The following NRXN1 variants were observed in gnomAD, a reference collection of about 807,000 sequenced individuals.
NRXN1 encodes neurexin 1.
A neutral mutation model predicts 150.9 loss-of-function variants in NRXN1; 39 were observed. The observed-to-expected ratio is 0.26, with a 90% CI of 0.20 to 0.34. NRXN1 has a LOEUF of 0.34. Among genes scored for constraint, NRXN1 ranks in the 10% least tolerant of loss-of-function variants. The pLI, the probability that NRXN1 is intolerant of heterozygous loss-of-function variation, is 1.00. For missense variants in NRXN1, 1,815 were observed against 1,949.9 expected (o/e 0.93, Z 1.30); for synonymous variants, 924 against 757.0 (o/e 1.22, Z -3.62).
At chr2:50,883,044 T>C (rs1311173646) in intron 5 of NRXN1, among the ~76,000 whole-genome samples, 1 of 151,894 alleles carries the variant, frequency 6.6e-6, no homozygotes, top group Non-Finnish European at 1.5e-5. Flanking sequence ...ATTTTTTAAA[T>C]TGTAATATAA....
chr2:50,802,446 C>T (rs981956623), intron 5 of NRXN1, among the ~76,000 whole-genome samples: 2 of 149,026 alleles, frequency 1.3e-5, no homozygotes, highest in Non-Finnish European at 1.5e-5. Flanking sequence ...GAGCTGAGAT[C>T]GCACCATTGT....
At chr2:50,107,719 G>T (rs2152720654) in intron 18 of NRXN1, among the ~76,000 whole-genome samples, 1 of 151,664 alleles carries the variant, frequency 6.6e-6, no homozygotes, top group East Asian at 1.9e-4. Flanking sequence ...TAACGTAAAA[G>T]TATCTTGGCC....
intron 17 of NRXN1, among the ~76,000 whole-genome samples, chr2:50,460,350 G>A (rs949500982): frequency 6.6e-6 from 1 of 152,162 alleles, no homozygotes; most frequent in Admixed American, 6.6e-5. Context: ...AGGGGCCAAG[G>A]TGGCAGAATT....
intron 17 of NRXN1, among the ~76,000 whole-genome samples, chr2:50,246,295 G>A (rs543488217): frequency 7.9e-5 from 12 of 151,944 alleles, no homozygotes; most frequent in Non-Finnish European, 1.6e-4. Flanking sequence ...TACCAGAAAG[G>A]CTTTATGACT....
At chr2:50,340,109 T>G (rs1446570698) in intron 17 of NRXN1, among the ~76,000 whole-genome samples, 1 of 152,318 alleles carries the variant, frequency 6.6e-6, no homozygotes, top group East Asian at 1.9e-4. Flanking sequence ...TTAAATTTGT[T>G]TCCTTGTCAG....
chr2:50,994,662 A>G (rs1370608102), intron 2 of NRXN1, among the ~76,000 whole-genome samples: 1 of 152,082 alleles, frequency 6.6e-6, no homozygotes, highest in African/African-American at 2.4e-5. Context: ...TAATGCATCC[A>G]GAAAATGTTC....
At chr2:50,449,720 A>C (rs1394193979) in intron 17 of NRXN1, among the ~76,000 whole-genome samples, 3 of 152,130 alleles carry the variant, frequency 2.0e-5, no homozygotes, top group Non-Finnish European at 4.4e-5. Flanking sequence ...TACTTCATAA[A>C]TTGTCCCATA....
Position 50,530,315 on chromosome 2 carries a change from C to A in NRXN1, c.2347+912G>T, listed in dbSNP as rs772912961. Among the ~76,000 whole-genome samples the A allele has an allele frequency of 3.4e-4, 52 of 152,086 alleles. 1 individual carries two copies. The highest frequency in any genetic ancestry group is 7.2e-4 in the Non-Finnish European group (49 of 68,024). ...GGAAGAAAACTGATTTCCAATACTT[C>A]ATGTTGATGGCATAGTTTGCATGAA... On this transcript the variant is annotated intron_variant, in intron 11 of 22. Coordinates refer to ENST00000401669, the MANE Select transcript of NRXN1 (RefSeq NM_001330078.2).
chr2:50,234,538 C>T (rs1013666652), intron 18 of NRXN1, among the ~76,000 whole-genome samples: 1 of 152,042 alleles, frequency 6.6e-6, no homozygotes, highest in African/African-American at 2.4e-5. Context: ...AATGACTTAT[C>T]TCCACATCAA....
chr2:50,154,231 A>T (rs1002887262), intron 18 of NRXN1, among the ~76,000 whole-genome samples: 2 of 151,302 alleles, frequency 1.3e-5, no homozygotes, highest in Admixed American at 1.3e-4. Context: ...AGATCTGAAT[A>T]AAAAAAAGAC....
rs932780795 is a variant in NRXN1 at position 50,296,840 on chromosome 2, C to T, written c.3365-59870G>A. On this transcript the variant is annotated intron_variant, in intron 17 of 22. Coordinates refer to ENST00000401669, the MANE Select transcript of NRXN1 (RefSeq NM_001330078.2). ...GAGTTACTTAGAATATTGGCCTCCA[C>T]CTCCATCTATGTTGCTGTAAAAGAC... Among the ~76,000 whole-genome samples, 129 of 151,198 alleles carry T rather than the reference C, an allele frequency of 8.5e-4. 1 individual carries two copies. The highest frequency in any genetic ancestry group is 8.1e-4 in the Non-Finnish European group (55 of 67,872).
chr2:50,661,993 C>T (rs1316950349), intron 5 of NRXN1, among the ~76,000 whole-genome samples: 1 of 152,046 alleles, frequency 6.6e-6, no homozygotes. Context: ...TTAAGGCCTT[C>T]ACTCCCTACA....
At chr2:49,954,862 T>C (rs1558575459) in intron 21 of NRXN1, among the ~76,000 whole-genome samples, 1 of 152,176 alleles carries the variant, frequency 6.6e-6, no homozygotes. Flanking sequence ...TATGCTGCTT[T>C]TGGGTACAGT....
At chr2:50,832,114 C>T (rs67644549) in intron 5 of NRXN1, among the ~76,000 whole-genome samples, 11,750 of 152,082 alleles carry the variant, frequency 0.077, 534 homozygotes, top group Admixed American at 0.083. Context: ...TCGAGAAAAT[C>T]AATGCCAGCA....
chr2:50,368,747 G>A (rs1457133753), intron 17 of NRXN1, among the ~76,000 whole-genome samples: 1 of 151,902 alleles, frequency 6.6e-6, no homozygotes, highest in Non-Finnish European at 1.5e-5. Flanking sequence ...TGAAACTATA[G>A]GAAAGGCCAA....
intron 17 of NRXN1, among the ~76,000 whole-genome samples, chr2:50,361,376 T>C (rs2079174657): frequency 6.6e-6 from 1 of 151,702 alleles, no homozygotes; most frequent in South Asian, 2.1e-4. Context: ...CCAGACTATA[T>C]ATAAGAAAAG....
intron 8 of NRXN1, among the ~76,000 whole-genome samples, chr2:50,558,575 G>A (rs1668579785): frequency 6.6e-6 from 1 of 152,148 alleles, no homozygotes; most frequent in Non-Finnish European, 1.5e-5. Flanking sequence ...TTCAAGTCCA[G>A]TTATAGCAGA....
chr2:50,439,491 T>C (rs892943783), intron 17 of NRXN1, among the ~76,000 whole-genome samples: 4 of 152,140 alleles, frequency 2.6e-5, no homozygotes, highest in African/African-American at 4.8e-5. Flanking sequence ...TACAAAGCAA[T>C]TGGAAAAACA....
chr2:50,800,973 T>C (rs949210581), intron 5 of NRXN1, among the ~76,000 whole-genome samples: 1 of 152,202 alleles, frequency 6.6e-6, no homozygotes, highest in Non-Finnish European at 1.5e-5. Context: ...CACTTTCTAA[T>C]GTACGCAAGC....
Sources: gnomAD v4.1 joint callset for allele counts (sites outside exome capture counted in the v4.1 genomes callset) on GRCh38, gnomAD v4.1.1 for gene constraint, MANE v1.5 for transcripts, NCBI Gene and HGNC (gene_info 2026-07-23, HGNC 2026-07-21) for gene names.